FTO: variants seen among roughly 807,000 people sequenced by gnomAD.
FTO encodes alpha-ketoglutarate-dependent dioxygenase FTO.
Under a neutral mutation model 63.9 loss-of-function variants are expected in FTO, and 47 were observed. The ratio of observed to expected loss-of-function variants is 0.74; its 90% confidence interval spans 0.58 to 0.94. The LOEUF (loss-of-function observed/expected upper bound fraction) is 0.94. FTO is among the 40% of genes least tolerant of loss of function. The probability of loss-of-function intolerance (pLI) is 0.00; values close to 1 mark genes in which losing one functional copy is unlikely to be tolerated. For missense variants in FTO, 562 were observed against 618.1 expected (o/e 0.91, Z 0.96); for synonymous variants, 207 against 224.4 (o/e 0.92, Z 0.69).
chr16:53,917,075 G>A (rs912070309), intron 7 of FTO, among the ~76,000 whole-genome samples: 1 of 152,130 alleles, frequency 6.6e-6, no homozygotes, highest in Non-Finnish European at 1.5e-5. Context: ...TGAAACCATG[G>A]TCAAGGGCGT....
intron 7 of FTO, among the ~76,000 whole-genome samples, chr16:53,908,151 G>A (rs78071339): frequency 0.015 from 2,354 of 152,292 alleles, 38 homozygotes; most frequent in Middle Eastern, 0.071. Context: ...TCTTTGTATA[G>A]ATTCTCCAAA....
At chr16:53,735,614 A>G (rs892173290) in intron 1 of FTO, among the ~76,000 whole-genome samples, 1 of 152,232 alleles carries the variant, frequency 6.6e-6, no homozygotes, top group Non-Finnish European at 1.5e-5. Flanking sequence ...AACTGTGGCA[A>G]CTTGAGAATT....
intron 8 of FTO, among the ~76,000 whole-genome samples, chr16:54,062,907 G>C (rs1328639028): frequency 6.6e-6 from 1 of 152,218 alleles, no homozygotes; most frequent in Non-Finnish European, 1.5e-5. Context: ...CCAACACAGA[G>C]ATCTGTCAGC....
At chr16:54,049,646 G>A (rs1477451983) in intron 8 of FTO, among the ~76,000 whole-genome samples, 2 of 152,200 alleles carry the variant, frequency 1.3e-5, no homozygotes, top group Non-Finnish European at 2.9e-5. Context: ...TCATTCAAGT[G>A]TTAAGGTGGT....
At chr16:54,091,796 C>G (rs2086390183) in intron 8 of FTO, among the ~76,000 whole-genome samples, 1 of 152,150 alleles carries the variant, frequency 6.6e-6, no homozygotes, top group Non-Finnish European at 1.5e-5. Flanking sequence ...CACTCACAAT[C>G]TTTGTGACCT....
chr16:53,724,270 C>G (rs2076102666), intron 1 of FTO, among the ~76,000 whole-genome samples: 1 of 152,168 alleles, frequency 6.6e-6, no homozygotes, highest in South Asian at 2.1e-4. Flanking sequence ...GGTATCTTGG[C>G]TGTATTCCTT....
At chr16:54,104,761 G>T (rs1228216172) in intron 8 of FTO, among the ~76,000 whole-genome samples, 1 of 152,172 alleles carries the variant, frequency 6.6e-6, no homozygotes, top group African/African-American at 2.4e-5. Flanking sequence ...AAAAAACACT[G>T]ACTTAAAGAA....
intron 8 of FTO, among the ~76,000 whole-genome samples, chr16:54,103,782 T>C (rs957489924): frequency 6.6e-6 from 1 of 152,216 alleles, no homozygotes; most frequent in African/African-American, 2.4e-5. Context: ...TTCATTGACT[T>C]GTTCTTTTCA....
Position 53,705,216 on chromosome 16 carries a change from A to G in FTO, c.45+987A>G, listed in dbSNP as rs1284917766. Among the ~76,000 whole-genome samples the G allele has an allele frequency of 4.6e-5, 7 of 152,224 alleles. No individual in the cohort carries two copies. In the South Asian group the frequency reaches 8.3e-4, roughly 18 times the overall value. On this transcript the variant is annotated intron_variant, in intron 1 of 8. Coordinates refer to ENST00000471389, the MANE Select transcript of FTO (RefSeq NM_001080432.3). ...ATCTTCGTGAAATGCAAATATAATT[A>G]TGTCCCTTTCCTTTCTCCTTACTCT... is the stretch of plus-strand genomic sequence containing the variant.
At chr16:53,833,862 T>C (rs2079209197) in intron 3 of FTO, among the ~76,000 whole-genome samples, 1 of 152,188 alleles carries the variant, frequency 6.6e-6, no homozygotes, top group South Asian at 2.1e-4. Flanking sequence ...TTCTTAGCCA[T>C]TTATATATCT....
At chr16:53,949,697 CAAAA>C (rs11344563) in intron 8 of FTO, among the ~76,000 whole-genome samples, 10 of 130,094 alleles carry the variant, frequency 7.7e-5, no homozygotes, top group Non-Finnish European at 8.3e-5. Flanking sequence ...GCAGTTTGTG[CAAAA>C]AAAAAAAAAA....
intron 8 of FTO, among the ~76,000 whole-genome samples, chr16:53,968,834 G>T (rs2083253281): frequency 1.3e-5 from 2 of 152,200 alleles, no homozygotes; most frequent in African/African-American, 4.8e-5. Flanking sequence ...GCATAAGGAG[G>T]ATATTTGAAA....
intron 1 of FTO, among the ~76,000 whole-genome samples, chr16:53,764,935 G>A (rs1008060913): frequency 3.0e-4 from 46 of 151,960 alleles, no homozygotes; most frequent in African/African-American, 1.1e-3. Flanking sequence ...GGCCAGGCTG[G>A]TCTCGATTTC....
intron 8 of FTO, among the ~76,000 whole-genome samples, chr16:54,092,923 G>A (rs1567567057): frequency 6.6e-6 from 1 of 152,230 alleles, no homozygotes; most frequent in Non-Finnish European, 1.5e-5. Flanking sequence ...CCAGGAAGCA[G>A]CAAGGAAGCA....
intron 1 of FTO, among the ~76,000 whole-genome samples, chr16:53,746,262 C>A (rs74018199): frequency 1.0e-3 from 159 of 152,298 alleles, no homozygotes; most frequent in African/African-American, 3.8e-3. Context: ...CTTTCCCTTT[C>A]CCTGCCACAG....
intron 8 of FTO, among the ~76,000 whole-genome samples, chr16:54,074,917 AGTGTGTGT>A (rs3040381): frequency 8.6e-4 from 116 of 134,262 alleles, no homozygotes; most frequent in Non-Finnish European, 1.2e-3. Flanking sequence ...AGAGAGAGAG[AGTGTGTGT>A]GTGTGTGTGT....
At position 53,831,458 on chromosome 16, in the gene FTO, G is replaced by GA. The variant is rs368613587; in HGVS notation, c.751+4967_751+4968insA. ...AAGAAGGCTCACAAGAAGACCAAAGGGGGGGAAAAAACTTATTTGATCTAC... is the reference window on the plus strand; with the variant it reads ...AAGAAGGCTCACAAGAAGACCAAAGGAGGGGGAAAAAACTTATTTGATCTAC... On this transcript the variant is annotated intron_variant, in intron 3 of 8. Coordinates refer to ENST00000471389, the MANE Select transcript of FTO (RefSeq NM_001080432.3). 2.9e-3 allele frequency among the ~76,000 whole-genome samples: 446 copies of GA among 151,796 alleles called. 4 individuals are homozygous for GA. The highest frequency in any genetic ancestry group is 9.6e-3 in the African/African-American group (398 of 41,348).
chr16:53,813,775 T>G (rs1488875718), intron 2 of FTO, among the ~76,000 whole-genome samples: 3 of 152,200 alleles, frequency 2.0e-5, no homozygotes, highest in Non-Finnish European at 4.4e-5. Context: ...ACATGTTTTA[T>G]GCATGCTCTC....
At chr16:53,767,149 G>C (rs1459923013) in intron 1 of FTO, among the ~76,000 whole-genome samples, 1 of 152,118 alleles carries the variant, frequency 6.6e-6, no homozygotes, top group Non-Finnish European at 1.5e-5. Flanking sequence ...ACTGTTATAA[G>C]TGGTGTTTTT....
Sources: gnomAD v4.1 joint callset for allele counts (sites outside exome capture counted in the v4.1 genomes callset) on GRCh38, gnomAD v4.1.1 for gene constraint, MANE v1.5 for transcripts, NCBI Gene and HGNC (gene_info 2026-07-23, HGNC 2026-07-21) for gene names.